ARMCX4: variants seen among roughly 807,000 people sequenced by gnomAD.
The protein encoded by ARMCX4 is armadillo repeat containing X-linked 4, also known as armadillo repeat-containing X-linked protein 4.
A neutral mutation model predicts 34.7 loss-of-function variants in ARMCX4; 3 were observed. The ratio of observed to expected loss-of-function variants is 0.09; its 90% CI spans 0.04 to 0.22. ARMCX4 has a LOEUF of 0.22. Ranked by LOEUF, ARMCX4 falls within the 10% of genes least tolerant of loss-of-function variation. The pLI, the probability that ARMCX4 is intolerant of heterozygous loss-of-function variation, is 1.00. For missense variants in ARMCX4, 1,448 were observed against 1,720.8 expected (o/e 0.84, Z 2.81); for synonymous variants, 513 against 632.8 (o/e 0.81, Z 2.84).
chrX:101,513,387 A>G (rs1173904040), intron 11 of ARMCX4, among the ~76,000 whole-genome samples: 1 of 111,777 alleles, frequency 8.9e-6, no homozygotes, highest in Admixed American at 9.5e-5. Flanking sequence ...TTATCATGAT[A>G]CAGATATCCT....
downstream of ARMCX4, among the ~76,000 whole-genome samples, chrX:101,447,221 T>A (rs1159050884): frequency 8.9e-6 from 1 of 112,346 alleles, no homozygotes; most frequent in Non-Finnish European, 1.9e-5. Context: ...ATTCTATTAG[T>A]TGGAAGCATG....
intron 11 of ARMCX4, among the ~76,000 whole-genome samples, chrX:101,525,022 C>G (rs140668515): frequency 0.035 from 3,921 of 111,816 alleles, 181 homozygotes; most frequent in African/African-American, 0.12. Context: ...CCCGTGTAGC[C>G]TAACTGGGAG....
At chrX:101,478,983 T>C (rs782370787) in intron 4 of ARMCX4, among the ~76,000 whole-genome samples, 4 of 110,720 alleles carry the variant, frequency 3.6e-5, no homozygotes, top group East Asian at 5.7e-4. Context: ...CACACACACA[T>C]ATATATATTC....
chrX:101,527,644 G>A (rs1237744095), intron 11 of ARMCX4, among the ~76,000 whole-genome samples: 1 of 110,931 alleles, frequency 9.0e-6, no homozygotes, highest in African/African-American at 3.3e-5. Flanking sequence ...AATGATAAAG[G>A]GGATATCACC....
chrX:101,438,312 C>G (rs1930955983), intron 2 of ARMCX4, among the ~76,000 whole-genome samples: 1 of 111,875 alleles, frequency 8.9e-6, no homozygotes, highest in African/African-American at 3.3e-5. Flanking sequence ...CGCCTGTAAT[C>G]CCAGCACTTT....
chrX:101,434,934 A>G (rs1219392743), intron 2 of ARMCX4, among the ~76,000 whole-genome samples: 3 of 110,493 alleles, frequency 2.7e-5, no homozygotes, highest in Non-Finnish European at 5.7e-5. Context: ...GATGGTTTCC[A>G]GCTTCATCCA....
upstream of ARMCX4, among the ~76,000 whole-genome samples, chrX:101,480,958 A>G (rs1209978591): frequency 1.2e-4 from 13 of 110,873 alleles, no homozygotes; most frequent in Non-Finnish European, 1.9e-4. Flanking sequence ...ACCCGTCTAT[A>G]CCAAAAGTAC....
At chrX:101,454,313 T>G (rs1240815122) in intron 4 of ARMCX4, among the ~76,000 whole-genome samples, 1 of 107,436 alleles carries the variant, frequency 9.3e-6, no homozygotes, top group African/African-American at 3.4e-5. Flanking sequence ...TCTCGCTCTG[T>G]CGCCCAGGCT....
intron 2 of ARMCX4, among the ~76,000 whole-genome samples, chrX:101,434,987 A>C (rs1416424397): frequency 9.0e-6 from 1 of 111,245 alleles, no homozygotes; most frequent in Non-Finnish European, 1.9e-5. Flanking sequence ...TTATGGCTGC[A>C]TAGTATTCCA....
At chrX:101,530,636 A>T (rs7060858) in intron 11 of ARMCX4, among the ~76,000 whole-genome samples, 2 of 112,318 alleles carry the variant, frequency 1.8e-5, no homozygotes, top group African/African-American at 6.5e-5. Flanking sequence ...AAACAGTGGA[A>T]CATCTTTAAA....
intron 8 of ARMCX4, among the ~76,000 whole-genome samples, chrX:101,508,024 A>AAT (rs1934494891): frequency 8.9e-6 from 1 of 112,203 alleles, no homozygotes; most frequent in Non-Finnish European, 1.9e-5. Context: ...TGTAAATACC[A>AAT]TTGTGTAACA....
At chrX:101,449,590 C>G (rs1387786333), downstream of ARMCX4, among the ~76,000 whole-genome samples, 1 of 111,995 alleles carries the variant, frequency 8.9e-6, no homozygotes, top group Non-Finnish European at 1.9e-5. Context: ...TTACATTTAT[C>G]TGGTAGAATT....
chrX:101,420,362 A>C (rs782516977), intron 2 of ARMCX4, among the ~76,000 whole-genome samples: 105 of 111,584 alleles, frequency 9.4e-4, no homozygotes, highest in Admixed American at 8.0e-3. Flanking sequence ...CCGTCTCAAA[A>C]AAAAACAAAA....
chrX:101,525,522 T>C (rs1374993028), intron 11 of ARMCX4, among the ~76,000 whole-genome samples: 1 of 111,779 alleles, frequency 8.9e-6, no homozygotes, highest in Non-Finnish European at 1.9e-5. Context: ...CAAACTTCTC[T>C]GAGCTAAAGG....
At chrX:101,525,997 T>C (rs1603229284) in intron 11 of ARMCX4, among the ~76,000 whole-genome samples, 1 of 110,386 alleles carries the variant, frequency 9.1e-6, no homozygotes, top group South Asian at 3.9e-4. Flanking sequence ...ACAAAGATAC[T>C]CCTCAAGAAG....
intron 11 of ARMCX4, among the ~76,000 whole-genome samples, chrX:101,511,532 G>A (rs1199742781): frequency 9.0e-6 from 1 of 111,091 alleles, no homozygotes; most frequent in East Asian, 2.8e-4. Context: ...AACAATGTTA[G>A]TCCTCTAACA....
chrX:101,467,909 A>G (rs782287685), intron 4 of ARMCX4, among the ~76,000 whole-genome samples: 1 of 112,147 alleles, frequency 8.9e-6, no homozygotes, highest in Non-Finnish European at 1.9e-5. Flanking sequence ...ATAAGAACTT[A>G]TGTTCCAGTT....
chrX:101,421,663 G>A (rs1929263168), intron 2 of ARMCX4, among the ~76,000 whole-genome samples: 2 of 110,913 alleles, frequency 1.8e-5, no homozygotes, highest in South Asian at 7.7e-4. Flanking sequence ...TCCTCCAGAG[G>A]GGAGGAAGGC....
chrX:101,513,195 C>T (rs1329970058), intron 11 of ARMCX4, among the ~76,000 whole-genome samples: 1 of 111,314 alleles, frequency 9.0e-6, no homozygotes, highest in Non-Finnish European at 1.9e-5. Context: ...AAATGTGAAT[C>T]ACATCTACAA....
Sources: allele counts gnomAD v4.1 joint callset (sites outside exome capture counted in the v4.1 genomes callset), GRCh38; gene constraint gnomAD v4.1.1; transcripts MANE v1.5; gene names NCBI Gene and HGNC (gene_info 2026-07-23, HGNC 2026-07-21).